The following PREPL variants were observed in gnomAD, a reference collection of about 807,000 sequenced individuals.
PREPL encodes prolyl endopeptidase-like.
In PREPL, 77 loss-of-function variants were observed where a neutral mutation model predicts 70.6. The ratio of observed to expected loss-of-function variants is 1.09; its 90% confidence interval spans 0.91 to 1.32. The LOEUF (loss-of-function observed/expected upper bound fraction) is 1.32. Among genes scored for constraint, PREPL ranks in the 40% most tolerant of loss-of-function variants. The pLI is 0.00. For synonymous variants in PREPL, 315 were observed against 264.8 expected (o/e 1.19, Z -1.84); for missense variants, 1,002 against 778.2 (o/e 1.29, Z -3.42).
chr2:44,321,827 C>A lies in PREPL; in HGVS notation c.1827G>T (p.Lys609Asn), dbSNP rs768538177. The change falls in exon 13 of 14, where the codon AAG becomes AAT. Residue 609 changes from lysine (K) to asparagine (N), a missense_variant and splice_region_variant. Lys to Asn is a moderately conservative substitution (Grantham distance 94, BLOSUM62 0). Transcript: ENST00000409411. ...GNHVIEDSHK[K>N]ITAQIKFLYE... ...CACTGAGAGGGCCTTGATAACATAC[C>A]TTTTTGTGAGAATCCTCAATTACAT... is the stretch of plus-strand genomic sequence containing the variant. 1.6e-5 allele frequency: 26 copies of A among 1,613,568 alleles called. No individual in the cohort carries two copies. Among genetic ancestry groups the A allele is most frequent in the Non-Finnish European group, 2.2e-5 (26 of 1,179,746 alleles).
chr2:44,321,696 C>A lies in PREPL; in HGVS notation c.1827+131G>T, dbSNP rs1394027508. The A allele has an allele frequency of 5.1e-6, 8 of 1,574,350 alleles. No homozygotes were observed. The African/African-American group carries it at 8.1e-5, about 16-fold the overall frequency. ...TTGACACAGTGTCCCTCCCTCCCCT[C>A]CTGGGTCTCACCCATAGATAGGACA... On this transcript the variant is annotated intron_variant, in intron 13 of 13. Transcript: ENST00000409411.
chr2:44,338,536 G>C lies in PREPL; in HGVS notation c.703C>G (p.Leu235Val). The change falls in exon 7 of 14, where the codon CTA (leucine) becomes GTA (valine). Residue 235 changes from leucine to valine, a missense_variant and splice_region_variant. Physicochemically the swap from Leu to Val is conservative, Grantham distance 32 (BLOSUM62 1). Transcript: ENST00000409411. ...GGGGTATCAGCCGCTGTTCTCATTAGCTACGTGGAACAAAGTTAGAAGACA... is the reference window on the plus strand; with the variant it reads ...GGGGTATCAGCCGCTGTTCTCATTACCTACGTGGAACAAAGTTAGAAGACA... ...TNVGEPTEFK[L>V]MRTAADTPAI... The C allele has an allele frequency of 6.3e-7, 1 of 1,599,370 alleles. No homozygotes were observed. Among genetic ancestry groups the C allele is most frequent in the Non-Finnish European group, 8.5e-7 (1 of 1,176,296 alleles).
At chr2:44,346,528 G>C in intron 1 of PREPL, 138 bp from the exon 2 acceptor site, 1 of 746,580 alleles carries the variant, frequency 1.3e-6, no homozygotes, top group Non-Finnish European at 2.2e-6. Flanking sequence ...GTATTTCACA[G>C]ATTGTAAATG....
chr2:44,349,340 A>G (rs1676157390), intron 1 of PREPL, among the ~76,000 whole-genome samples: 1 of 152,176 alleles, frequency 6.6e-6, no homozygotes, highest in African/African-American at 2.4e-5. Context: ...GAAGTGCTCA[A>G]AGTTTAATGG....
intron 1 of PREPL, among the ~76,000 whole-genome samples, chr2:44,357,176 G>T (rs1281381990): frequency 6.6e-6 from 1 of 152,204 alleles, no homozygotes; most frequent in Non-Finnish European, 1.5e-5. Flanking sequence ...ATCGTGGCTG[G>T]ATCTTTTGCC....
chr2:44,339,744 A>T (rs750711159), intron 5 of PREPL, among the ~76,000 whole-genome samples: 39 of 152,174 alleles, frequency 2.6e-4, no homozygotes, highest in South Asian at 1.2e-3. Flanking sequence ...GTCATTTCTC[A>T]ATCACATGAG....
chr2:44,330,607 T>C (rs571275674), intron 8 of PREPL, among the ~76,000 whole-genome samples: 59 of 152,228 alleles, frequency 3.9e-4, no homozygotes, highest in African/African-American at 1.3e-3. Context: ...TTTTGTAATA[T>C]AAAAATATTA....
chr2:44,325,614 G>A (rs1482511592), intron 10 of PREPL, among the ~76,000 whole-genome samples: 1 of 152,072 alleles, frequency 6.6e-6, no homozygotes, highest in Non-Finnish European at 1.5e-5. Flanking sequence ...ATTTCTAAAA[G>A]TCAAAATCTA....
Position 44,320,269 on chromosome 2 carries a change from T to A in PREPL, c.*1087A>T. On this transcript the variant is annotated 3_prime_UTR_variant, in exon 14 of 14. Transcript: ENST00000409411. ...TTAAGTCTACTTCATGCCAATGAGC[T>A]ACTCCTCAACAGGGGCTGGTTTTGC... 2 of 1,614,100 alleles carry A rather than the reference T, an allele frequency of 1.2e-6. No individual in the cohort carries two copies. The highest frequency in any genetic ancestry group is 3.3e-5 in the Admixed American group (2 of 60,000).
intron 1 of PREPL, among the ~76,000 whole-genome samples, chr2:44,349,644 AAAAC>A (rs1676192543): frequency 6.6e-6 from 1 of 152,172 alleles, no homozygotes; most frequent in Non-Finnish European, 1.5e-5. Flanking sequence ...AACCTATTAA[AAAAC>A]AAACATCACA....
Position 44,355,352 on chromosome 2 carries a change from G to A in PREPL, c.-49+6028C>T, listed in dbSNP as rs1572575985. Among the ~76,000 whole-genome samples, 3 of 152,270 alleles carry A rather than the reference G, an allele frequency of 2.0e-5. No homozygotes were observed. In the East Asian group the frequency reaches 5.8e-4, roughly 29 times the overall value. On this transcript the variant is annotated intron_variant, in intron 1 of 13. Coordinates refer to ENST00000409411, the MANE Select transcript of PREPL (RefSeq NM_001171613.2). ...TGCTTGAGGCTGGGCTTCCAGACCAGCCTAGCCAACATGGCGAAACCCTGT... is the reference window on the plus strand; with the variant it reads ...TGCTTGAGGCTGGGCTTCCAGACCAACCTAGCCAACATGGCGAAACCCTGT...
chr2:44,358,957 A>C (rs1677350159), intron 1 of PREPL, among the ~76,000 whole-genome samples: 1 of 152,162 alleles, frequency 6.6e-6, no homozygotes, highest in Admixed American at 6.5e-5. Context: ...AGGCCGAATT[A>C]TACTTTGAAA....
chr2:44,353,683 TG>T (rs1398812696), intron 1 of PREPL, among the ~76,000 whole-genome samples: 3 of 151,948 alleles, frequency 2.0e-5, no homozygotes, highest in African/African-American at 7.2e-5. Flanking sequence ...AAAAATGAGA[TG>T]AAAGTGAGAG....
At chr2:44,345,928 G>T (rs1406257390) in intron 2 of PREPL, among the ~76,000 whole-genome samples, 1 of 151,972 alleles carries the variant, frequency 6.6e-6, no homozygotes, top group African/African-American at 2.4e-5. Flanking sequence ...GGTTGCTTGA[G>T]CCCAGGAGTT....
chr2:44,355,995 A>T (rs1001159745), intron 1 of PREPL, among the ~76,000 whole-genome samples: 1 of 152,168 alleles, frequency 6.6e-6, no homozygotes, highest in Non-Finnish European at 1.5e-5. Context: ...AAGAAATGTG[A>T]TATCTGGATG....
chr2:44,349,165 A>C (rs554251707), intron 1 of PREPL, among the ~76,000 whole-genome samples: 2 of 152,360 alleles, frequency 1.3e-5, no homozygotes, highest in East Asian at 3.9e-4. Flanking sequence ...TAACTTTATC[A>C]TGGCAAAGAT....
chr2:44,353,152 T>C (rs938921810), intron 1 of PREPL, among the ~76,000 whole-genome samples: 1 of 152,174 alleles, frequency 6.6e-6, no homozygotes, highest in African/African-American at 2.4e-5. Context: ...TACTACAAGA[T>C]ATTAAAAAAG....
Position 44,323,189 on chromosome 2 carries a change from A to G in PREPL, c.1629+73T>C, listed in dbSNP as rs1237141953. 4 of 1,406,838 alleles carry G rather than the reference A, an allele frequency of 2.8e-6. No homozygotes were observed. In the African/African-American group the frequency reaches 4.4e-5, roughly 15 times the overall value. The allele number at this position is 1,406,838 out of a possible 1,614,324, so 87.1% of individuals were successfully genotyped here. A position where few individuals can be genotyped will look rare whatever the true frequency, so the allele number is the denominator to read the frequency against. ...TCTCTAAAGCTCCTATTTTTGCTTC[A>G]GCTTGGATAAGTTTTTTTTTTATTA... On this transcript the variant is annotated intron_variant, in intron 11 of 13. Transcript: ENST00000409411.
At chr2:44,340,178 T>C (rs1675062083) in intron 5 of PREPL, among the ~76,000 whole-genome samples, 1 of 152,062 alleles carries the variant, frequency 6.6e-6, no homozygotes, top group Non-Finnish European at 1.5e-5. Flanking sequence ...TAATATATCA[T>C]AATTCTTAAA....
Sources: allele counts gnomAD v4.1 joint callset (sites outside exome capture counted in the v4.1 genomes callset), GRCh38; gene constraint gnomAD v4.1.1; transcripts MANE v1.5; gene names NCBI Gene and HGNC (gene_info 2026-07-23, HGNC 2026-07-21).